The following PTPRA variants were observed in gnomAD, a reference collection of about 807,000 sequenced individuals.
PTPRA encodes the protein protein tyrosine phosphatase receptor type A.
PTPRA carries 25 observed loss-of-function variants against 104.8 expected under a neutral mutation model. The observed-to-expected ratio is 0.24, with a 90% confidence interval of 0.17 to 0.33. PTPRA has a LOEUF of 0.33. Ranked by LOEUF, PTPRA falls within the 10% of genes least tolerant of loss-of-function variation. The probability of loss-of-function intolerance (pLI) is 1.00; values close to 1 mark genes in which losing one functional copy is unlikely to be tolerated. For missense variants in PTPRA, 765 were observed against 1,015.3 expected (o/e 0.75, Z 3.35); for synonymous variants, 323 against 368.9 (o/e 0.88, Z 1.43).
At chr20:3,033,793 G>A (rs911468049) in intron 20 of PTPRA, among the ~76,000 whole-genome samples, 6 of 151,740 alleles carry the variant, frequency 4.0e-5, no homozygotes, top group Non-Finnish European at 8.8e-5. Flanking sequence ...TCAGCTACTG[G>A]GGAGGCTGAG....
chr20:2,973,346 A>G (rs539275115), intron 5 of PTPRA, among the ~76,000 whole-genome samples: 4 of 152,262 alleles, frequency 2.6e-5, no homozygotes, highest in Admixed American at 2.0e-4. Flanking sequence ...CAGTTAATTA[A>G]CATATTTAGT....
At chr20:2,989,235 C>T (rs2063040106) in intron 9 of PTPRA, among the ~76,000 whole-genome samples, 1 of 152,052 alleles carries the variant, frequency 6.6e-6, no homozygotes, top group African/African-American at 2.4e-5. Flanking sequence ...GAGATAGAGA[C>T]CATCCTGGCT....
In PTPRA at chr20:3,018,819, C is replaced by T. The variant is rs1275197047; in HGVS notation, c.1041+906C>T. ...GGGGCGGCCGGGCAGAGGCGCCCCT[C>T]ACCTCCCGGACAGGGCGGCTGGCCG... On this transcript the variant is annotated intron_variant, in intron 13 of 23. Coordinates refer to ENST00000399903, the MANE Select transcript of PTPRA (RefSeq NM_001385305.1). Among the ~76,000 whole-genome samples, 544 of 117,596 alleles carry T rather than the reference C, an allele frequency of 4.6e-3. 14 individuals carry two copies. The highest frequency in any genetic ancestry group is 4.5e-3 in the South Asian group (15 of 3,364). 77.1% of individuals were successfully genotyped at this position (117,596 alleles called of 152,430 possible).
At chr20:3,034,152 T>C (rs900710876) in intron 20 of PTPRA, among the ~76,000 whole-genome samples, 4 of 151,962 alleles carry the variant, frequency 2.6e-5, no homozygotes. Context: ...ACACTTGTAG[T>C]CCCAGCTACT....
chr20:2,893,819 A>T (rs1384590139), intron 1 of PTPRA, among the ~76,000 whole-genome samples: 1 of 152,088 alleles, frequency 6.6e-6, no homozygotes, highest in Admixed American at 6.6e-5. Context: ...ACGTGTGTCT[A>T]TTCTAGATGT....
At chr20:2,891,121 T>C (rs1456811759) in intron 1 of PTPRA, among the ~76,000 whole-genome samples, 3 of 152,210 alleles carry the variant, frequency 2.0e-5, no homozygotes, top group Non-Finnish European at 4.4e-5. Context: ...TGGTGATCTG[T>C]TCCTAACTGT....
intron 1 of PTPRA, among the ~76,000 whole-genome samples, chr20:2,878,977 T>C (rs950948703): frequency 6.6e-6 from 1 of 152,218 alleles, no homozygotes; most frequent in Non-Finnish European, 1.5e-5. Flanking sequence ...CATAGCAGTA[T>C]AAAATATAAG....
chr20:2,869,613 C>T (rs974543396), upstream of PTPRA, among the ~76,000 whole-genome samples: 21 of 152,290 alleles, frequency 1.4e-4, no homozygotes, highest in Admixed American at 3.9e-4. Flanking sequence ...GACTGTGTAG[C>T]TGGAGGCAAA....
chr20:2,937,325 A>C (rs948662270), intron 2 of PTPRA, among the ~76,000 whole-genome samples: 1 of 151,862 alleles, frequency 6.6e-6, no homozygotes, highest in Non-Finnish European at 1.5e-5. Flanking sequence ...AGGTTTCACC[A>C]TGTTGGCCAG....
At chr20:2,907,864 G>A (rs192915212) in intron 1 of PTPRA, among the ~76,000 whole-genome samples, 107 of 151,526 alleles carry the variant, frequency 7.1e-4, no homozygotes, top group African/African-American at 2.5e-3. Flanking sequence ...TCGACTTTTA[G>A]AGCAAATGAT....
At chr20:2,943,829 T>C (rs577672575) in intron 2 of PTPRA, among the ~76,000 whole-genome samples, 68 of 152,270 alleles carry the variant, frequency 4.5e-4, no homozygotes, top group Middle Eastern at 3.4e-3. Context: ...CAACTTAAAT[T>C]CTAAAGTTTA....
the PTPRA span, among the ~76,000 whole-genome samples, chr20:2,867,478 G>A: frequency 9.5e-6 from 1 of 105,476 alleles, no homozygotes; most frequent in Non-Finnish European, 1.8e-5. Flanking sequence ...CTAGCCTTCC[G>A]TTGGCACTCC....
At chr20:2,877,520 A>G (rs966657383) in intron 1 of PTPRA, among the ~76,000 whole-genome samples, 5 of 152,192 alleles carry the variant, frequency 3.3e-5, no homozygotes, top group African/African-American at 9.7e-5. Context: ...TGGCCTCCCA[A>G]AGTCCTGGGA....
At chr20:2,913,379 AAAAAT>A (rs962237473) in intron 1 of PTPRA, among the ~76,000 whole-genome samples, 6 of 152,294 alleles carry the variant, frequency 3.9e-5, no homozygotes, top group African/African-American at 7.2e-5. Context: ...CCCTGTCTCC[AAAAAT>A]AAAATAAAAT....
At chr20:2,935,997 C>T (rs11696336) in intron 2 of PTPRA, among the ~76,000 whole-genome samples, 5 of 148,944 alleles carry the variant, frequency 3.4e-5, no homozygotes, top group South Asian at 2.1e-4. Flanking sequence ...CCAGCCTGGG[C>T]GACAAGAGTG....
rs774135755 is a variant in PTPRA at position 3,021,395 on chromosome 20, G to A, written c.1128G>A (p.Val376=). Reference sequence around the variant, plus strand: ...CTGTAGAGGATGTGACTGTCCTGGTGGACTACACAGTACGGAAGTTCTGCA... The same window carrying A: ...CTGTAGAGGATGTGACTGTCCTGGTAGACTACACAGTACGGAAGTTCTGCA... The part of the protein sequence containing the change: ...RVSVEDVTVL[V]DYTVRKFCIQ... The change falls in exon 14 of 24, where the codon GTG becomes GTA. Residue 376 remains valine, a synonymous_variant. Coordinates refer to ENST00000399903, the MANE Select transcript of PTPRA (RefSeq NM_001385305.1). 6.2e-7 allele frequency: 1 copy of A among 1,614,072 alleles called. No individual in the cohort carries two copies. The highest frequency in any genetic ancestry group is 1.1e-5 in the South Asian group (1 of 91,074).
At chr20:2,888,151 C>G (rs1174147896) in intron 1 of PTPRA, among the ~76,000 whole-genome samples, 1 of 152,206 alleles carries the variant, frequency 6.6e-6, no homozygotes, top group African/African-American at 2.4e-5. Flanking sequence ...AAGAAAACCC[C>G]TTTTCTTCCT....
At chr20:2,995,722 G>A (rs1157651232) in intron 9 of PTPRA, among the ~76,000 whole-genome samples, 1 of 152,132 alleles carries the variant, frequency 6.6e-6, no homozygotes, top group East Asian at 1.9e-4. Flanking sequence ...ATTTCACTTA[G>A]CAAAATACAT....
intron 9 of PTPRA, among the ~76,000 whole-genome samples, chr20:2,991,383 A>AT (rs2063168986): frequency 6.6e-6 from 1 of 151,776 alleles, no homozygotes; most frequent in African/African-American, 2.4e-5. Flanking sequence ...AAAAAAAAAA[A>AT]TTTACCACAT....
Sources: gnomAD v4.1 joint callset for allele counts (sites outside exome capture counted in the v4.1 genomes callset) on GRCh38, gnomAD v4.1.1 for gene constraint, MANE v1.5 for transcripts, NCBI Gene and HGNC (gene_info 2026-07-23, HGNC 2026-07-21) for gene names.